The following RAP1A variants were observed in gnomAD, a reference collection of about 807,000 sequenced individuals.
RAP1A encodes ras-related protein Rap-1A.
Under a neutral mutation model 26.4 loss-of-function variants are expected in RAP1A, and 6 were observed. That is an observed-to-expected ratio of 0.23 (90% CI 0.12 to 0.45). The LOEUF (loss-of-function observed/expected upper bound fraction) is 0.45, where lower values mean the gene tolerates loss of function less well. Among genes scored for constraint, RAP1A ranks in the 20% least tolerant of loss-of-function variants. The pLI is 0.99. For missense variants in RAP1A, 121 were observed against 217.2 expected, an observed-to-expected ratio of 0.56 and a Z score of 2.78; for synonymous variants, 73 against 79.4, an observed-to-expected ratio of 0.92 and a Z score of 0.43.
At chr1:111,711,849 A>G (rs540831963) in intron 7 of RAP1A, among the ~76,000 whole-genome samples, 103 of 152,320 alleles carry the variant, frequency 6.8e-4, no homozygotes, top group Admixed American at 3.2e-3. Flanking sequence ...TCTGAGAGAA[A>G]TTCATCATGT....
intron 1 of RAP1A, among the ~76,000 whole-genome samples, chr1:111,598,277 G>C (rs959790845): frequency 6.6e-6 from 1 of 152,120 alleles, no homozygotes; most frequent in Non-Finnish European, 1.5e-5. Context: ...TTTTATATAC[G>C]TTAACAGATT....
chr1:111,714,227 T>C lies in RAP1A; in HGVS notation c.*1826T>C, dbSNP rs190970723. ...TATCCAATTATGCATATGTCTGGGA[T>C]TGAGGGGCCAAAACTATAGCGAACT... On this transcript the variant is annotated 3_prime_UTR_variant, in exon 8 of 8. Transcript: ENST00000369709. 2.1e-3 allele frequency: 316 copies of C among 152,318 alleles called. 1 individual carries two copies. The highest frequency in any genetic ancestry group is 6.8e-3 in the African/African-American group (283 of 41,578). The allele number at this position is 152,318 out of a possible 1,614,324, so 9.4% of individuals were successfully genotyped here. A position where few individuals can be genotyped will look rare whatever the true frequency, so the allele number is the denominator to read the frequency against.
chr1:111,607,216 G>A (rs957133686), intron 1 of RAP1A, among the ~76,000 whole-genome samples: 3 of 151,646 alleles, frequency 2.0e-5, no homozygotes, highest in Non-Finnish European at 4.4e-5. Context: ...AGGGAGTGGT[G>A]ATGACTCTTA....
intron 1 of RAP1A, among the ~76,000 whole-genome samples, chr1:111,643,198 T>TTG (rs1659949217): frequency 6.6e-6 from 1 of 152,186 alleles, no homozygotes; most frequent in African/African-American, 2.4e-5. Context: ...ATGAGAGTGA[T>TTG]TGTGTCTCCT....
chr1:111,594,235 G>A (rs1413670666), intron 1 of RAP1A, among the ~76,000 whole-genome samples: 1 of 152,156 alleles, frequency 6.6e-6, no homozygotes, highest in African/African-American at 2.4e-5. Context: ...AGCTTTGGCA[G>A]CTAGAAAGAA....
intron 1 of RAP1A, among the ~76,000 whole-genome samples, chr1:111,590,951 A>G (rs935598632): frequency 6.6e-6 from 1 of 152,232 alleles, no homozygotes; most frequent in Non-Finnish European, 1.5e-5. Context: ...AATAGATCAT[A>G]TAAGATTATG....
At chr1:111,542,201 A>G (rs984670907), upstream of RAP1A, 3 of 552,458 alleles carry the variant, frequency 5.4e-6, no homozygotes, top group African/African-American at 3.8e-5. Flanking sequence ...CGTTTAGACC[A>G]GCTTAATGAA....
intron 6 of RAP1A, among the ~76,000 whole-genome samples, chr1:111,707,192 C>A (rs1662220419): frequency 6.6e-6 from 1 of 151,754 alleles, no homozygotes; most frequent in Non-Finnish European, 1.5e-5. Context: ...TTAAATGAGT[C>A]ACTTTTGTAG....
chr1:111,587,875 A>G (rs1258655108), intron 1 of RAP1A, among the ~76,000 whole-genome samples: 1 of 152,116 alleles, frequency 6.6e-6, no homozygotes. Context: ...CCTTTTGGTT[A>G]TTGTGATACT....
chr1:111,693,350 T>G (rs950154011), intron 2 of RAP1A, among the ~76,000 whole-genome samples: 6 of 152,066 alleles, frequency 3.9e-5, no homozygotes, highest in South Asian at 4.2e-4. Flanking sequence ...GCTGGAGAGA[T>G]ATTGGGGTTA....
intron 1 of RAP1A, among the ~76,000 whole-genome samples, chr1:111,658,625 A>G (rs1660538619): frequency 6.6e-6 from 1 of 152,196 alleles, no homozygotes; most frequent in Admixed American, 6.5e-5. Flanking sequence ...TTAAGATGTC[A>G]CTAGGCAATA....
chr1:111,647,754 G>T (rs1459558769), intron 1 of RAP1A, among the ~76,000 whole-genome samples: 2 of 151,160 alleles, frequency 1.3e-5, no homozygotes, highest in African/African-American at 2.4e-5. Flanking sequence ...TGAGGTCCAA[G>T]CTGGTCTCAA....
Position 111,691,477 on chromosome 1 carries a change from C to T in RAP1A, c.57+60C>T, listed in dbSNP as rs1014181724. 1.3e-5 allele frequency: 19 copies of T among 1,481,190 alleles called. No individual in the cohort carries two copies. The African/African-American group carries it at 2.4e-4, about 18-fold the overall frequency. The allele number at this position is 1,481,190 out of a possible 1,614,324, so 91.8% of individuals were successfully genotyped here. A position where few individuals can be genotyped will look rare whatever the true frequency, so the allele number is the denominator to read the frequency against. On this transcript the variant is annotated intron_variant, in intron 2 of 7. Coordinates refer to ENST00000369709, the MANE Select transcript of RAP1A (RefSeq NM_002884.4). ...AATACAAGAAGAATTTTGACATTTC[C>T]TTGCTTTCAGACTTCTAGATGCCAA...
rs1326795846 is a variant in RAP1A, at chr1:111,631,418, G to A, written c.-28+11484G>A. Reference sequence around the variant, plus strand: ...CCTACAGGGAGAAGGGAACTCATATGTTTTTGAGTGTAGACCCCTTACATC... The same window carrying A: ...CCTACAGGGAGAAGGGAACTCATATATTTTTGAGTGTAGACCCCTTACATC... On this transcript the variant is annotated intron_variant, in intron 1 of 7. Transcript: ENST00000369709. Among the ~76,000 whole-genome samples the A allele has an allele frequency of 3.9e-5, 6 of 152,158 alleles. No homozygotes were observed. The East Asian group carries it at 5.8e-4, about 15-fold the overall frequency.
In RAP1A at chr1:111,643,035, G is replaced by A. The variant is rs560795060; in HGVS notation, c.-28+23101G>A. Among the ~76,000 whole-genome samples, 8 of 152,248 alleles carry A rather than the reference G, an allele frequency of 5.3e-5. No homozygotes were observed. In the South Asian group the frequency reaches 1.7e-3, roughly 32 times the overall value. On this transcript the variant is annotated intron_variant, in intron 1 of 7. Coordinates refer to ENST00000369709, the MANE Select transcript of RAP1A (RefSeq NM_002884.4). ...TCTGCCCACCTCAGCCTCCCAAAGT[G>A]CTGGGATTACAGGCGTGAGCCACTG... is the stretch of plus-strand genomic sequence containing the variant.
rs566370469 is a variant in RAP1A, at chr1:111,597,891, T to C, written c.-28+55382T>C. 7.2e-5 allele frequency among the ~76,000 whole-genome samples: 11 copies of C among 152,286 alleles called. No homozygotes were observed. In the East Asian group the frequency reaches 1.3e-3, roughly 19 times the overall value. On this transcript the variant is annotated intron_variant, in intron 1 of 7. Transcript: ENST00000356415. ...TATGTGCTAGCCAGTTTGGAGATTA[T>C]AAAAGCTTAAGACTCCTCGTTGAGA... is the stretch of plus-strand genomic sequence containing the variant.
chr1:111,647,523 G>A (rs533886085), intron 1 of RAP1A, among the ~76,000 whole-genome samples: 7 of 152,228 alleles, frequency 4.6e-5, no homozygotes, highest in East Asian at 1.9e-4. Flanking sequence ...GTTGGGGATC[G>A]CTGCCTTAAA....
chr1:111,708,369 C>A (rs1254835528), intron 6 of RAP1A, among the ~76,000 whole-genome samples: 5 of 152,154 alleles, frequency 3.3e-5, no homozygotes, highest in Non-Finnish European at 7.4e-5. Flanking sequence ...ATGTATATAA[C>A]CTGAATCTAA....
chr1:111,606,543 G>A (rs1474096529), intron 1 of RAP1A, among the ~76,000 whole-genome samples: 3 of 152,190 alleles, frequency 2.0e-5, no homozygotes, highest in Admixed American at 6.5e-5. Flanking sequence ...CGGCCCAGTA[G>A]TACCACATCA....
Sources: gnomAD v4.1 joint callset for allele counts (sites outside exome capture counted in the v4.1 genomes callset) on GRCh38, gnomAD v4.1.1 for gene constraint, MANE v1.5 for transcripts, NCBI Gene and HGNC (gene_info 2026-07-23, HGNC 2026-07-21) for gene names.